Variants in ADGRG6 observed in about 807,000 individuals in gnomAD.
The protein encoded by ADGRG6 is adhesion G protein-coupled receptor G6, also known as G-protein coupled receptor 126.
Under a neutral mutation model 142.4 loss-of-function variants are expected in ADGRG6, and 84 were observed. The ratio of observed to expected loss-of-function variants is 0.59; its 90% CI spans 0.49 to 0.71. The LOEUF is 0.71. ADGRG6 is among the 30% of genes least tolerant of loss of function. ADGRG6 has a pLI of 0.00. For synonymous variants in ADGRG6, 521 were observed against 520.5 expected (o/e 1.00, Z -0.01); for missense variants, 1,367 against 1,466.6 (o/e 0.93, Z 1.11).
intron 2 of ADGRG6, among the ~76,000 whole-genome samples, chr6:142,317,166 G>T (rs147810850): frequency 2.6e-5 from 4 of 152,068 alleles, no homozygotes; most frequent in African/African-American, 7.2e-5. Flanking sequence ...TTTACTTGGC[G>T]TTTGGTTAGG....
intron 2 of ADGRG6, among the ~76,000 whole-genome samples, chr6:142,329,406 C>G (rs185021338): frequency 1.5e-4 from 23 of 152,114 alleles, no homozygotes; most frequent in Admixed American, 1.4e-3. Context: ...GACATTTATG[C>G]CAAAATATTT....
chr6:142,441,851 C>T (rs886867097), intron 24 of ADGRG6, among the ~76,000 whole-genome samples: 3 of 152,160 alleles, frequency 2.0e-5, no homozygotes, highest in South Asian at 4.1e-4. Flanking sequence ...TGTCATGACT[C>T]CTTGAGCCTT....
At chr6:142,307,367 A>G (rs1349553533) in intron 1 of ADGRG6, among the ~76,000 whole-genome samples, 2 of 152,018 alleles carry the variant, frequency 1.3e-5, no homozygotes, top group Admixed American at 1.3e-4. Context: ...ATGAGGTTAG[A>G]TTAGACTTCA....
intron 22 of ADGRG6, among the ~76,000 whole-genome samples, chr6:142,431,922 C>A (rs186016360): frequency 6.6e-6 from 1 of 151,842 alleles, no homozygotes; most frequent in East Asian, 1.9e-4. Flanking sequence ...GATTCCATCT[C>A]GAAACAAAAG....
At chr6:142,355,547 G>A (rs1420350468) in intron 2 of ADGRG6, among the ~76,000 whole-genome samples, 1 of 152,010 alleles carries the variant, frequency 6.6e-6, no homozygotes, top group Non-Finnish European at 1.5e-5. Flanking sequence ...ACTGCACCTC[G>A]ATAGTGAGTG....
chr6:142,342,941 G>A (rs1779726320), intron 2 of ADGRG6, among the ~76,000 whole-genome samples: 1 of 151,608 alleles, frequency 6.6e-6, no homozygotes, highest in African/African-American at 2.4e-5. Context: ...TTACCTTTGT[G>A]TATATTTCAA....
chr6:142,318,868 G>A (rs1778379898), intron 2 of ADGRG6, among the ~76,000 whole-genome samples: 1 of 151,968 alleles, frequency 6.6e-6, no homozygotes, highest in African/African-American at 2.4e-5. Flanking sequence ...CCAGACTGGA[G>A]GATGTTAAGT....
chr6:142,390,126 A>G (rs1259912347), intron 6 of ADGRG6, 132 bp from the exon 7 acceptor site: 2 of 376,932 alleles, frequency 5.3e-6, no homozygotes, highest in Non-Finnish European at 9.5e-6. Context: ...TTTAACTTAT[A>G]TTGTAAATTA....
At chr6:142,391,490 T>C (rs1166554986) in intron 7 of ADGRG6, among the ~76,000 whole-genome samples, 2 of 150,176 alleles carry the variant, frequency 1.3e-5, no homozygotes. Context: ...GAGACATCTA[T>C]ATATATTTGA....
chr6:142,439,708 G>A (rs1006724002), intron 24 of ADGRG6, among the ~76,000 whole-genome samples: 1 of 152,150 alleles, frequency 6.6e-6, no homozygotes, highest in Non-Finnish European at 1.5e-5. Context: ...GGGGGGAATT[G>A]AATGAAGGCT....
At chr6:142,321,413 A>C (rs1050897938) in intron 2 of ADGRG6, among the ~76,000 whole-genome samples, 1 of 152,034 alleles carries the variant, frequency 6.6e-6, no homozygotes, top group Non-Finnish European at 1.5e-5. Context: ...CACCACCATT[A>C]TTTATAATAG....
At chr6:142,417,143 C>G (rs1285258506) in intron 20 of ADGRG6, 130 bp from the exon 21 acceptor site, 1 of 711,818 alleles carries the variant, frequency 1.4e-6, no homozygotes, top group South Asian at 1.5e-5. Context: ...AAGTTTGAAT[C>G]TGGGATATGG....
At chr6:142,410,002 C>A in intron 17 of ADGRG6, 83 bp downstream of exon 17, 1 of 567,702 alleles carries the variant, frequency 1.8e-6, no homozygotes, top group African/African-American at 1.9e-5. Context: ...TCCTTTAATT[C>A]CACCCCAAAC....
rs118084467 is a variant in ADGRG6, at chr6:142,417,266, G to A, written c.2939-7G>A. On this transcript the variant is annotated splice_polypyrimidine_tract_variant and splice_region_variant and intron_variant, in intron 20 of 24. Transcript: ENST00000367609. ...AAAGAGTTTGTGTCATGGTGTTTTTGTAACAGGTTTGCCTGCCTTAGTGGT... is the reference window on the plus strand; with the variant it reads ...AAAGAGTTTGTGTCATGGTGTTTTTATAACAGGTTTGCCTGCCTTAGTGGT... The A allele has an allele frequency of 0.015, 23,038 of 1,511,200 alleles. 235 individuals are homozygous for A. Among genetic ancestry groups the A allele is most frequent in the Middle Eastern group, 0.049 (284 of 5,850 alleles). 93.6% of individuals were successfully genotyped at this position (1,511,200 alleles called of 1,614,324 possible).
chr6:142,373,881 CTTTTTTT>C (rs769498618), intron 4 of ADGRG6, among the ~76,000 whole-genome samples: 1,009 of 93,850 alleles, frequency 0.011, 15 homozygotes, highest in African/African-American at 0.033. Flanking sequence ...TTTTTCTTTT[CTTTTTTT>C]TTTTTTTTTT....
In ADGRG6 at chr6:142,376,529, A is replaced by C. The variant is rs550981696; in HGVS notation, c.1070-5422A>C. On this transcript the variant is annotated intron_variant, in intron 4 of 24. Coordinates refer to ENST00000367609, the MANE Select transcript of ADGRG6 (RefSeq NM_198569.3). Reference sequence around the variant, plus strand: ...TACAGAGTTTGCTAAGGTTTCATCAACTCTTGGATTTTTACCGTTTCATAA... The same window carrying C: ...TACAGAGTTTGCTAAGGTTTCATCACCTCTTGGATTTTTACCGTTTCATAA... Among the ~76,000 whole-genome samples, 3 of 152,020 alleles carry C rather than the reference A, an allele frequency of 2.0e-5. No individual in the cohort carries two copies. The East Asian group carries it at 5.8e-4, about 29-fold the overall frequency.
At chr6:142,386,384 C>T (rs576154603) in intron 6 of ADGRG6, among the ~76,000 whole-genome samples, 8 of 152,156 alleles carry the variant, frequency 5.3e-5, no homozygotes, top group East Asian at 1.9e-4. Flanking sequence ...AAATAAAGGC[C>T]GAAACACTTC....
intron 1 of ADGRG6, among the ~76,000 whole-genome samples, chr6:142,305,706 G>A (rs1244808665): frequency 6.6e-6 from 1 of 152,114 alleles, no homozygotes; most frequent in Admixed American, 6.6e-5. Context: ...CAAGCTTTAT[G>A]TGTAGTCATT....
Position 142,371,494 on chromosome 6 carries a change from T to G in ADGRG6, c.1069+701T>G, listed in dbSNP as rs1233831147. ...TTACTGTTTTTTTTTGTTTTTTTTT[T>G]TTTTTTTGAGACAGAGTCTCGCTAT... On this transcript the variant is annotated intron_variant, in intron 4 of 24. Coordinates refer to ENST00000367609, the MANE Select transcript of ADGRG6 (RefSeq NM_198569.3). Among the ~76,000 whole-genome samples, 9 of 148,876 alleles carry G rather than the reference T, an allele frequency of 6.0e-5. No individual in the cohort carries two copies. In the East Asian group the frequency reaches 1.6e-3, roughly 26 times the overall value.
Sources: allele counts gnomAD v4.1 joint callset (sites outside exome capture counted in the v4.1 genomes callset), GRCh38; gene constraint gnomAD v4.1.1; transcripts MANE v1.5; gene names NCBI Gene and HGNC (gene_info 2026-07-23, HGNC 2026-07-21).